The following KRIT1 variants were observed in gnomAD, a reference collection of about 807,000 sequenced individuals.
KRIT1 encodes krev interaction trapped protein 1.
Under a neutral mutation model 95.8 loss-of-function variants are expected in KRIT1, and 45 were observed. That is an observed-to-expected ratio of 0.47 (90% CI 0.37 to 0.60). The LOEUF (loss-of-function observed/expected upper bound fraction) is 0.60. Ranked by LOEUF, KRIT1 falls within the 20% of genes least tolerant of loss-of-function variation. KRIT1 has a pLI of 0.00. For missense variants in KRIT1, 788 were observed against 877.5 expected, an observed-to-expected ratio of 0.90 and a Z score of 1.29; for synonymous variants, 282 against 278.8, an observed-to-expected ratio of 1.01 and a Z score of -0.11.
Position 92,232,547 on chromosome 7 carries a change from G to C in KRIT1, c.989+1902C>G, listed in dbSNP as rs2131612855. ...AAAAAAACACCCCTGCCACAAAAAG[G>C]AGCAACTATACAGTCAAATATAAAC... On this transcript the variant is annotated intron_variant, in intron 10 of 18. Coordinates refer to ENST00000394505, the MANE Select transcript of KRIT1 (RefSeq NM_194454.3). Among the ~76,000 whole-genome samples, 5 of 149,640 alleles carry C rather than the reference G, an allele frequency of 3.3e-5. No homozygotes were observed. The South Asian group carries it at 1.0e-3, about 31-fold the overall frequency.
At chr7:92,214,810 C>T (rs749333865) in intron 14 of KRIT1, 33 bp from the exon 15 acceptor site, 50 of 1,434,812 alleles carry the variant, frequency 3.5e-5, no homozygotes, top group Non-Finnish European at 4.0e-5. Context: ...GGTTATTAGG[C>T]TACAATTTCT....
chr7:92,241,096 T>A lies in KRIT1; in HGVS notation c.159A>T (p.Leu53Phe), dbSNP rs765145742. ...EGQKKKRKKV[L>F]LETKLQGNSE... ...TGTTGCCTTGAAGTTTCGTTTCCAA[T>A]AAAACTTTCTTTCTCTTTTTTTTCT... Residue 53 changes from leucine to phenylalanine, a missense_variant, in exon 5 of 19, where the codon TTA (leucine) becomes TTT (phenylalanine). Leu to Phe is a conservative substitution (Grantham distance 22). Coordinates refer to ENST00000394505, the MANE Select transcript of KRIT1 (RefSeq NM_194454.3). 1 of 1,611,182 alleles carries A rather than the reference T, an allele frequency of 6.2e-7. No individual in the cohort carries two copies. Among genetic ancestry groups the A allele is most frequent in the Non-Finnish European group, 8.5e-7 (1 of 1,177,266 alleles).
Position 92,237,675 on chromosome 7 carries a change from A to G in KRIT1, c.347T>C (p.Val116Ala). ...REASLFIVPS[V>A]VKDNTKYTYT... ...ATACATTTAGACTTTACCTTTGACA[A>G]CTGATGGAACAATAAATAATGATGC... The change falls in exon 6 of 19, where the codon GTT becomes GCT. Residue 116 changes from valine (V) to alanine (A), a missense_variant. Around this residue, in one of 3 missense-constraint regions of KRIT1, gnomAD observed 289 missense variants for 277.5 expected, o/e 1.04. Coordinates refer to ENST00000394505, the MANE Select transcript of KRIT1 (RefSeq NM_194454.3). 1 of 1,590,250 alleles carries G rather than the reference A, an allele frequency of 6.3e-7. No individual in the cohort carries two copies. Among genetic ancestry groups the G allele is most frequent in the Non-Finnish European group, 8.6e-7 (1 of 1,158,592 alleles).
intron 10 of KRIT1, among the ~76,000 whole-genome samples, chr7:92,229,374 G>A (rs557509534): frequency 6.6e-6 from 1 of 152,300 alleles, no homozygotes; most frequent in East Asian, 1.9e-4. Context: ...TACAGAATGG[G>A]AGACAATATT....
At chr7:92,243,774 A>G (rs1018328170) in intron 3 of KRIT1, among the ~76,000 whole-genome samples, 3 of 152,126 alleles carry the variant, frequency 2.0e-5, no homozygotes, top group African/African-American at 4.8e-5. Flanking sequence ...TTTTAAATAA[A>G]ATAATTTAAA....
rs1235341293 is a variant in KRIT1 at position 92,200,027 on chromosome 7, TAC to T, written c.*707_*708del. ...AGTGTTATGTGGTTCAAGTAGAAAA[TAC>T]ATTTTCTTTATTCAAATCATGTTGA... On this transcript the variant is annotated 3_prime_UTR_variant, in exon 19 of 19. Transcript: ENST00000394505. The T allele has an allele frequency of 2.4e-4, 36 of 152,760 alleles. No individual in the cohort carries two copies. Among genetic ancestry groups the T allele is most frequent in the African/African-American group, 8.7e-4 (36 of 41,582 alleles). The allele number at this position is 152,760 out of a possible 1,614,324, so 9.5% of individuals were successfully genotyped here. A position where few individuals can be genotyped will look rare whatever the true frequency, so the allele number is the denominator to read the frequency against.
chr7:92,225,942 AAGT>A (rs1796125882), intron 11 of KRIT1, 115 bp from the exon 12 acceptor site: 4 of 670,694 alleles, frequency 6.0e-6, no homozygotes, highest in Admixed American at 2.4e-5. Context: ...TCAAGTACTA[AAGT>A]AAATATTAAC....
At chr7:92,201,233 A>G in intron 18 of KRIT1, 74 bp downstream of exon 18, 1 of 789,512 alleles carries the variant, frequency 1.3e-6, no homozygotes, top group Non-Finnish European at 2.3e-6. Flanking sequence ...AGTTAAATGG[A>G]TGTCACTTTT....
At chr7:92,228,560 G>C (rs1796668165) in intron 10 of KRIT1, among the ~76,000 whole-genome samples, 1 of 151,790 alleles carries the variant, frequency 6.6e-6, no homozygotes, top group South Asian at 2.1e-4. Context: ...TTACTCAGGT[G>C]ATTTGTTTTG....
At chr7:92,218,069 TAC>T (rs953306134) in intron 14 of KRIT1, among the ~76,000 whole-genome samples, 3 of 152,210 alleles carry the variant, frequency 2.0e-5, no homozygotes, top group African/African-American at 7.2e-5. Context: ...CTATTTTATT[TAC>T]AGACAGGGTC....
chr7:92,227,809 C>T (rs1265592681), intron 10 of KRIT1, among the ~76,000 whole-genome samples: 6 of 151,944 alleles, frequency 3.9e-5, no homozygotes, highest in African/African-American at 9.7e-5. Context: ...GTCAGGAGTT[C>T]GAGACCAGCC....
Position 92,214,781 on chromosome 7 carries a change from A to G in KRIT1, c.1564-4T>C, listed in dbSNP as rs751479510. 6.3e-7 allele frequency: 1 copy of G among 1,581,088 alleles called. No individual in the cohort carries two copies. Among genetic ancestry groups the G allele is most frequent in the Non-Finnish European group, 8.7e-7 (1 of 1,150,466 alleles). ...GAATAGCTAGTGGGTCTTCAATCTTAAAGGAAAAAGTATAATTTGGTTATT... is the reference window on the plus strand; with the variant it reads ...GAATAGCTAGTGGGTCTTCAATCTTGAAGGAAAAAGTATAATTTGGTTATT... On this transcript the variant is annotated splice_polypyrimidine_tract_variant and splice_region_variant and intron_variant, in intron 14 of 18. Transcript: ENST00000394505.
intron 1 of KRIT1, 187 bp from the exon 2 acceptor site, chr7:92,245,358 T>G (rs537234092): frequency 2.6e-5 from 4 of 151,910 alleles, no homozygotes; most frequent in South Asian, 2.1e-4. Context: ...GCCTCTTTGC[T>G]CAAAGAGTTT....
intron 10 of KRIT1, among the ~76,000 whole-genome samples, chr7:92,228,526 T>A (rs1796656619): frequency 6.6e-6 from 1 of 152,228 alleles, no homozygotes; most frequent in African/African-American, 2.4e-5. Flanking sequence ...ACTTTCATCC[T>A]ACACCTTACT....
At chr7:92,228,170 A>G (rs1796581879) in intron 10 of KRIT1, among the ~76,000 whole-genome samples, 1 of 152,178 alleles carries the variant, frequency 6.6e-6, no homozygotes, top group African/African-American at 2.4e-5. Flanking sequence ...TGAATTTTTA[A>G]ATAGGAAAGA....
At position 92,200,655 on chromosome 7, in the gene KRIT1, A is replaced by G; in HGVS notation, c.*81T>C. 4.1e-6 allele frequency: 4 copies of G among 970,584 alleles called. No homozygotes were observed. The highest frequency in any genetic ancestry group is 6.6e-6 in the Non-Finnish European group (4 of 602,732). The allele number at this position is 970,584 out of a possible 1,614,324, so 60.1% of individuals were successfully genotyped here. A position where few individuals can be genotyped will look rare whatever the true frequency, so the allele number is the denominator to read the frequency against. On this transcript the variant is annotated 3_prime_UTR_variant, in exon 19 of 19. Transcript: ENST00000394505. ...GGGTGAGCCACCATGCTCGGCCAAA[A>G]GTAATATTTTAAGAAATCTTTCACG...
At chr7:92,204,305 G>A (rs889172951) in intron 17 of KRIT1, among the ~76,000 whole-genome samples, 1 of 151,412 alleles carries the variant, frequency 6.6e-6, no homozygotes, top group Non-Finnish European at 1.5e-5. Context: ...ATAAGCAAAT[G>A]ACCCAAAAGC....
Position 92,236,529 on chromosome 7 carries a change from G to A in KRIT1, c.369C>T (p.Tyr123=). 2 of 1,540,064 alleles carry A rather than the reference G, an allele frequency of 1.3e-6. No individual in the cohort carries two copies. Among genetic ancestry groups the A allele is most frequent in the South Asian group, 2.2e-5 (2 of 89,576 alleles). The part of the protein sequence containing the change: ...VPSVVKDNTK[Y]TYTPGCPIFY... ...AAATTGGGCATCCTGGGGTATATGT[G>A]TATTTAGTATTATCTGAAAAAGAAA... Residue 123 remains tyrosine, a synonymous_variant, in exon 7 of 19, where the codon TAC becomes TAT. Coordinates refer to ENST00000394505, the MANE Select transcript of KRIT1 (RefSeq NM_194454.3).
chr7:92,238,113 T>C (rs549069771), intron 5 of KRIT1, among the ~76,000 whole-genome samples: 26 of 152,328 alleles, frequency 1.7e-4, no homozygotes, highest in African/African-American at 5.5e-4. Flanking sequence ...AATTGTATTA[T>C]ATTCTGGCAT....
Sources: allele counts gnomAD v4.1 joint callset (sites outside exome capture counted in the v4.1 genomes callset), GRCh38; gene constraint gnomAD v4.1.1; regional missense constraint gnomAD v4.1.1; transcripts MANE v1.5; gene names NCBI Gene and HGNC (gene_info 2026-07-23, HGNC 2026-07-21).